The following PAPPA variants were observed in gnomAD, a reference collection of about 807,000 sequenced individuals.
The protein encoded by PAPPA is pappalysin 1, also known as pappalysin-1.
A neutral mutation model predicts 164.0 loss-of-function variants in PAPPA; 60 were observed. The observed-to-expected ratio is 0.37, with a 90% CI of 0.30 to 0.45. The LOEUF (loss-of-function observed/expected upper bound fraction) is 0.45. Ranked by LOEUF, PAPPA falls within the 20% of genes least tolerant of loss-of-function variation. The probability of loss-of-function intolerance (pLI) is 1.00; values close to 1 mark genes in which losing one functional copy is unlikely to be tolerated. For missense variants in PAPPA, 1,782 were observed against 2,087.3 expected (o/e 0.85, Z 2.85); for synonymous variants, 875 against 814.1 (o/e 1.07, Z -1.27).
chr9:116,392,345 C>T (rs969264133), intron 21 of PAPPA, among the ~76,000 whole-genome samples: 15 of 152,200 alleles, frequency 9.9e-5, no homozygotes, highest in African/African-American at 2.7e-4. Flanking sequence ...CACCAACTCA[C>T]TGACTGGTAC....
intron 1 of PAPPA, among the ~76,000 whole-genome samples, chr9:116,180,123 T>C (rs1843885851): frequency 6.6e-6 from 1 of 152,136 alleles, no homozygotes; most frequent in Non-Finnish European, 1.5e-5. Context: ...CTGTAATCGC[T>C]GGGATCTTGG....
chr9:116,168,211 A>G (rs1843737092), intron 1 of PAPPA, among the ~76,000 whole-genome samples: 1 of 152,224 alleles, frequency 6.6e-6, no homozygotes, highest in South Asian at 2.1e-4. Flanking sequence ...AAAGTTTATT[A>G]GGAAAGGTAA....
chr9:116,228,682 C>T (rs1844547497), intron 6 of PAPPA, among the ~76,000 whole-genome samples: 1 of 152,146 alleles, frequency 6.6e-6, no homozygotes, highest in Non-Finnish European at 1.5e-5. Context: ...GAAAAGCCCT[C>T]AGTTCAGCCT....
intron 9 of PAPPA, among the ~76,000 whole-genome samples, chr9:116,274,846 C>T (rs1845178645): frequency 1.3e-5 from 2 of 152,176 alleles, no homozygotes; most frequent in Admixed American, 6.5e-5. Flanking sequence ...CCTCTGCCCT[C>T]CAGTCAGACA....
At chr9:116,338,523 T>C (rs1198501454) in intron 13 of PAPPA, among the ~76,000 whole-genome samples, 1 of 152,178 alleles carries the variant, frequency 6.6e-6, no homozygotes, top group Non-Finnish European at 1.5e-5. Context: ...CATTAGGTAA[T>C]GACACAGGGA....
At chr9:116,164,678 T>C (rs1206859072) in intron 1 of PAPPA, among the ~76,000 whole-genome samples, 1 of 152,212 alleles carries the variant, frequency 6.6e-6, no homozygotes. Flanking sequence ...TCCATTCCTG[T>C]TGCTCTATGA....
At chr9:116,265,699 C>T (rs1845059011) in intron 7 of PAPPA, among the ~76,000 whole-genome samples, 158 bp from the exon 8 acceptor site, 1 of 152,114 alleles carries the variant, frequency 6.6e-6, no homozygotes, top group South Asian at 2.1e-4. Context: ...ACTGATGTAG[C>T]CATAGTGGAC....
At chr9:116,364,178 G>A (rs1846468516) in intron 18 of PAPPA, among the ~76,000 whole-genome samples, 1 of 152,224 alleles carries the variant, frequency 6.6e-6, no homozygotes, top group Non-Finnish European at 1.5e-5. Flanking sequence ...CCTGATAGGT[G>A]TGCGTGGTCC....
At chr9:116,264,448 A>G (rs529488055) in intron 7 of PAPPA, among the ~76,000 whole-genome samples, 1 of 152,320 alleles carries the variant, frequency 6.6e-6, no homozygotes, top group Non-Finnish European at 1.5e-5. Flanking sequence ...TTGGGGTAAT[A>G]CATCCAACAT....
At chr9:116,199,018 G>A (rs1410902491) in intron 2 of PAPPA, among the ~76,000 whole-genome samples, 1 of 151,816 alleles carries the variant, frequency 6.6e-6, no homozygotes, top group African/African-American at 2.4e-5. Flanking sequence ...AGAAGTAATT[G>A]TGGTTTTTGC....
chr9:116,287,858 T>G (rs1845359893), intron 9 of PAPPA, among the ~76,000 whole-genome samples: 1 of 152,216 alleles, frequency 6.6e-6, no homozygotes, highest in African/African-American at 2.4e-5. Context: ...AGACAACTTC[T>G]CTGGCCTCTA....
chr9:116,384,168 G>GTAAC (rs1846771418), intron 21 of PAPPA, among the ~76,000 whole-genome samples: 2 of 151,896 alleles, frequency 1.3e-5, no homozygotes, highest in Non-Finnish European at 2.9e-5. Context: ...GCTCACGGTT[G>GTAAC]TAACTCCAGC....
intron 1 of PAPPA, among the ~76,000 whole-genome samples, chr9:116,184,015 CAGAG>C (rs537278017): frequency 6.6e-6 from 1 of 151,986 alleles, no homozygotes; most frequent in South Asian, 2.1e-4. Context: ...TAAAAACCTG[CAGAG>C]AGAGAGAGAC....
intron 9 of PAPPA, among the ~76,000 whole-genome samples, chr9:116,301,310 A>G (rs529762993): frequency 6.6e-6 from 1 of 152,342 alleles, no homozygotes; most frequent in South Asian, 2.1e-4. Flanking sequence ...TAGCAACTAT[A>G]TTTCAAGGAG....
At chr9:116,202,050 C>A (rs1194959313) in intron 2 of PAPPA, among the ~76,000 whole-genome samples, 1 of 152,122 alleles carries the variant, frequency 6.6e-6, no homozygotes, top group African/African-American at 2.4e-5. Flanking sequence ...TGAAGAGTGA[C>A]CTGCTTTGAG....
intron 9 of PAPPA, among the ~76,000 whole-genome samples, chr9:116,295,603 T>C (rs1845496811): frequency 6.6e-6 from 1 of 151,816 alleles, no homozygotes; most frequent in African/African-American, 2.4e-5. Context: ...AGTCTCCTCA[T>C]TTCTGAAGGA....
intron 7 of PAPPA, among the ~76,000 whole-genome samples, chr9:116,256,258 A>C (rs1473192311): frequency 1.3e-5 from 2 of 152,048 alleles, no homozygotes. Flanking sequence ...AGTATTTTAG[A>C]ATAAACAGAA....
At position 116,402,215 on chromosome 9, in the gene PAPPA, T is replaced by TTGGA. The variant is rs1847068408; in HGVS notation, c.*5601_*5604dup. ...TGTTTTCTCTGATCTCAATTACAGG[T>TTGGA]TGGATCTCACAAATAATAATGTCAG... On this transcript the variant is annotated 3_prime_UTR_variant, in exon 22 of 22. Coordinates refer to ENST00000328252, the MANE Select transcript of PAPPA (RefSeq NM_002581.5). 2 of 152,638 alleles carry TTGGA rather than the reference T, an allele frequency of 1.3e-5. No individual in the cohort carries two copies. The highest frequency in any genetic ancestry group is 2.9e-5 in the Non-Finnish European group (2 of 68,042). The allele number at this position is 152,638 out of a possible 1,614,324, so 9.5% of individuals were successfully genotyped here.
intron 15 of PAPPA, among the ~76,000 whole-genome samples, chr9:116,350,331 C>A (rs534651492): frequency 7.2e-5 from 11 of 152,144 alleles, no homozygotes; most frequent in African/African-American, 2.4e-4. Context: ...ATTGTAGATG[C>A]AGGGTAGTGG....
Sources: allele counts gnomAD v4.1 joint callset (sites outside exome capture counted in the v4.1 genomes callset), GRCh38; gene constraint gnomAD v4.1.1; transcripts MANE v1.5; gene names NCBI Gene and HGNC (gene_info 2026-07-23, HGNC 2026-07-21).